PRRC2B: variants seen among roughly 807,000 people sequenced by gnomAD.
The protein encoded by PRRC2B is proline rich coiled-coil 2B.
PRRC2B carries 68 observed loss-of-function variants against 242.3 expected under a neutral mutation model. The ratio of observed to expected loss-of-function variants is 0.28; its 90% CI spans 0.23 to 0.34. The LOEUF (loss-of-function observed/expected upper bound fraction) is 0.34, where lower values mean the gene tolerates loss of function less well. Ranked by LOEUF, PRRC2B falls within the 10% of genes least tolerant of loss-of-function variation. The pLI, the probability that PRRC2B is intolerant of heterozygous loss-of-function variation, is 1.00. For missense variants in PRRC2B, 2,835 were observed against 2,954.8 expected (o/e 0.96, Z 0.94); for synonymous variants, 1,228 against 1,173.6 (o/e 1.05, Z -0.95).
At chr9:131,419,978 G>C (rs1366396051) in intron 1 of PRRC2B, among the ~76,000 whole-genome samples, 1 of 152,134 alleles carries the variant, frequency 6.6e-6, no homozygotes, top group Admixed American at 6.5e-5. Context: ...TGACCATGTG[G>C]TTCCGGCAAG....
At chr9:131,407,404 G>A (rs765072846) in intron 1 of PRRC2B, among the ~76,000 whole-genome samples, 17 of 152,160 alleles carry the variant, frequency 1.1e-4, no homozygotes, top group Non-Finnish European at 2.2e-4. Context: ...TAGTGTATTT[G>A]GAGTGAGGGT....
intron 1 of PRRC2B, among the ~76,000 whole-genome samples, chr9:131,399,204 G>A (rs1837152744): frequency 2.0e-5 from 3 of 150,412 alleles, no homozygotes; most frequent in African/African-American, 7.4e-5. Flanking sequence ...TTAAACCTGG[G>A]AGGTGGAGGT....
chr9:131,450,554 T>C (rs1410530629), intron 9 of PRRC2B, among the ~76,000 whole-genome samples: 1 of 148,454 alleles, frequency 6.7e-6, no homozygotes, highest in Non-Finnish European at 1.5e-5. Context: ...CGTGAGCCAC[T>C]GCACCCCACC....
intron 9 of PRRC2B, among the ~76,000 whole-genome samples, chr9:131,452,227 C>T (rs746524844): frequency 2.6e-5 from 4 of 152,142 alleles, no homozygotes; most frequent in African/African-American, 7.2e-5. Context: ...AATGGCTCAA[C>T]GCAGCCTCAA....
In PRRC2B at chr9:131,496,489, A is replaced by G. The variant is rs1248517208; in HGVS notation, c.*615A>G. 2 of 152,178 alleles carry G rather than the reference A, an allele frequency of 1.3e-5. No individual in the cohort carries two copies. Among genetic ancestry groups the G allele is most frequent in the Non-Finnish European group, 2.9e-5 (2 of 68,050 alleles). The allele number at this position is 152,178 out of a possible 1,614,324, so 9.4% of individuals were successfully genotyped here. A position where few individuals can be genotyped will look rare whatever the true frequency, so the allele number is the denominator to read the frequency against. On this transcript the variant is annotated 3_prime_UTR_variant, in exon 32 of 32. Transcript: ENST00000683519. ...ACTCTTAAGAATGCATCCCCTCCTGATTCCTCAGCTGGTTCACCCTTGAGG... is the reference window on the plus strand; with the variant it reads ...ACTCTTAAGAATGCATCCCCTCCTGGTTCCTCAGCTGGTTCACCCTTGAGG...
At chr9:131,379,831 G>A (rs1479436534) in intron 1 of PRRC2B, among the ~76,000 whole-genome samples, 3 of 151,172 alleles carry the variant, frequency 2.0e-5, no homozygotes, top group African/African-American at 7.3e-5. Flanking sequence ...TCACCATGTT[G>A]GCTAGGCTGG....
At chr9:131,387,865 CAG>C (rs1004859631) in intron 1 of PRRC2B, among the ~76,000 whole-genome samples, 12 of 150,806 alleles carry the variant, frequency 8.0e-5, no homozygotes, top group Non-Finnish European at 1.3e-4. Flanking sequence ...CCTGTTGCAA[CAG>C]TAATATTTTT....
chr9:131,417,966 A>G (rs1837703938), intron 1 of PRRC2B, among the ~76,000 whole-genome samples: 1 of 152,216 alleles, frequency 6.6e-6, no homozygotes, highest in South Asian at 2.1e-4. Flanking sequence ...TGAGGCCCAG[A>G]GGTAAGGCTG....
chr9:131,462,299 G>T (rs1943263648), intron 11 of PRRC2B, among the ~76,000 whole-genome samples: 1 of 152,014 alleles, frequency 6.6e-6, no homozygotes, highest in South Asian at 2.1e-4. Flanking sequence ...TGCAACTTCT[G>T]CCTTCCAGGT....
rs1042929010 is a variant in PRRC2B at position 131,498,859 on chromosome 9, G to A, written c.*2985G>A. The A allele has an allele frequency of 6.6e-6, 1 of 152,150 alleles. No homozygotes were observed. The highest frequency in any genetic ancestry group is 1.5e-5 in the Non-Finnish European group (1 of 68,026). The allele number at this position is 152,150 out of a possible 1,614,324, so 9.4% of individuals were successfully genotyped here. A position where few individuals can be genotyped will look rare whatever the true frequency, so the allele number is the denominator to read the frequency against. On this transcript the variant is annotated 3_prime_UTR_variant, in exon 32 of 32. Transcript: ENST00000683519. Reference sequence around the variant, plus strand: ...GTATTGTCCACCATCCACTAGAGTGGGATGAAGTCCAGAGTGTGGGTATAC... The same window carrying A: ...GTATTGTCCACCATCCACTAGAGTGAGATGAAGTCCAGAGTGTGGGTATAC...
chr9:131,453,613 C>T (rs1312349679), intron 9 of PRRC2B, among the ~76,000 whole-genome samples: 1 of 152,144 alleles, frequency 6.6e-6, no homozygotes, highest in Non-Finnish European at 1.5e-5. Context: ...CTCACTGCAA[C>T]GTCAACTTCC....
chr9:131,486,213 G>GC, intron 26 of PRRC2B, 31 bp downstream of exon 26: 1 of 1,458,796 alleles, frequency 6.9e-7, no homozygotes, highest in African/African-American at 1.4e-5. Context: ...GGCCTGGCTG[G>GC]GGGTGGTGGG....
chr9:131,379,449 A>G (rs1419113060), intron 1 of PRRC2B, among the ~76,000 whole-genome samples: 1 of 152,002 alleles, frequency 6.6e-6, no homozygotes, highest in Non-Finnish European at 1.5e-5. Flanking sequence ...CTTTGTCAAC[A>G]CTTGTTATTT....
intron 1 of PRRC2B, 99 bp downstream of exon 1, chr9:131,394,362 G>T: frequency 6.8e-6 from 1 of 146,130 alleles, no homozygotes; most frequent in South Asian, 2.0e-4. Context: ...GGCCGCCGCC[G>T]GGGGCCCGGG....
At chr9:131,438,637 A>G (rs570627998) in intron 4 of PRRC2B, among the ~76,000 whole-genome samples, 2 of 152,302 alleles carry the variant, frequency 1.3e-5, no homozygotes, top group South Asian at 4.1e-4. Context: ...GGAGCAAAAT[A>G]AAGTAGCTCT....
At chr9:131,495,327 ACAGT>A (rs1245718733) in intron 31 of PRRC2B, among the ~76,000 whole-genome samples, 1 of 152,020 alleles carries the variant, frequency 6.6e-6, no homozygotes, top group Non-Finnish European at 1.5e-5. Flanking sequence ...GCCCCAGCAG[ACAGT>A]CGGGGGCTCC....
chr9:131,487,798 A>T lies in PRRC2B; in HGVS notation c.5985-58A>T. 6.4e-7 allele frequency: 1 copy of T among 1,564,476 alleles called. No homozygotes were observed. The highest frequency in any genetic ancestry group is 1.7e-4 in the Middle Eastern group (1 of 5,792). On this transcript the variant is annotated intron_variant, in intron 27 of 31. Transcript: ENST00000683519. This position sits in a 1 kb window ranked among gnomAD's most constrained non-coding sequence, Gnocchi z 5.3. ...TCTCCGGGGATCTCTGAAGGGTGGG[A>T]CCAGATCCGCAGCTGGACTCATCCA... is the stretch of plus-strand genomic sequence containing the variant.
At chr9:131,431,112 G>A (rs1312033316) in intron 2 of PRRC2B, among the ~76,000 whole-genome samples, 5 of 151,826 alleles carry the variant, frequency 3.3e-5, no homozygotes, top group Admixed American at 6.6e-5. Context: ...CACCACGCCC[G>A]GCTAATTTTG....
At position 131,495,749 on chromosome 9, in the gene PRRC2B, C is replaced by G; in HGVS notation, c.6565C>G (p.Arg2189Gly). 6.2e-7 allele frequency: 1 copy of G among 1,611,000 alleles called. No individual in the cohort carries two copies. Among genetic ancestry groups the G allele is most frequent in the Non-Finnish European group, 8.5e-7 (1 of 1,177,422 alleles). The change falls in exon 32 of 32, where the codon CGA (arginine) becomes GGA (glycine). Residue 2189 changes from arginine (R) to glycine (G), a missense_variant. Arg to Gly is a moderately radical substitution (Grantham distance 125). Around this residue, in one of 7 missense-constraint regions of PRRC2B, gnomAD observed 574 missense variants for 626.0 expected, o/e 0.92. Coordinates refer to ENST00000683519, the MANE Select transcript of PRRC2B (RefSeq NM_013318.4). ...ATTCATCTGTCCAAAGGCAAAACAA[C>G]GAGTGGATGAGAAACCCAGCCTGGG... ...QGHYVQQAKQRVDEKPSLGAV... is the reference protein window; with the variant it reads ...QGHYVQQAKQGVDEKPSLGAV...
Sources: gnomAD v4.1 joint callset for allele counts (sites outside exome capture counted in the v4.1 genomes callset) on GRCh38, gnomAD v4.1.1 for gene constraint, gnomAD v4.1.1 regional missense constraint, Gnocchi (gnomAD v3.1) non-coding constraint, MANE v1.5 for transcripts, NCBI Gene and HGNC (gene_info 2026-07-23, HGNC 2026-07-21) for gene names.